SNX31: variants seen among roughly 807,000 people sequenced by gnomAD.
SNX31 encodes the protein sorting nexin 31, also known as sorting nexin-31.
SNX31 carries 58 observed loss-of-function variants against 65.4 expected under a neutral mutation model. The ratio of observed to expected loss-of-function variants is 0.89; its 90% confidence interval spans 0.72 to 1.10. The LOEUF is 1.10. Ranked by LOEUF, SNX31 falls within the 50% of genes least tolerant of loss-of-function variation. The probability of loss-of-function intolerance (pLI) is 0.00; values close to 1 mark genes in which losing one functional copy is unlikely to be tolerated. For synonymous variants in SNX31, 181 were observed against 190.1 expected, an observed-to-expected ratio of 0.95 and a Z score of 0.39; for missense variants, 523 against 529.7, an observed-to-expected ratio of 0.99 and a Z score of 0.12.
At chr8:100,657,774 G>A (rs1208829621) in intron 1 of SNX31, 5 of 455,980 alleles carry the variant, frequency 1.1e-5, no homozygotes, top group Non-Finnish European at 2.2e-5. Context: ...GGGAGGCTGA[G>A]GCAGGAGAAT....
In SNX31 at chr8:100,575,475, A is replaced by G. The variant is rs1812971901; in HGVS notation, c.1228-1515T>C. Among the ~76,000 whole-genome samples the G allele has an allele frequency of 6.6e-6, 1 of 152,206 alleles. No individual in the cohort carries two copies. On this transcript the variant is annotated intron_variant, in intron 13 of 13. Transcript: ENST00000311812. This position sits in a 1 kb window ranked among gnomAD's most constrained non-coding sequence, Gnocchi z 5.1. ...CCGACCTGCTGGTCCTACTCACAGC[A>G]TGAGATAGGTTGGCCTGTATTAGAG...
chr8:100,576,996 A>T lies in SNX31; in HGVS notation c.1227+23T>A. On this transcript the variant is annotated intron_variant, in intron 13 of 13. Coordinates refer to ENST00000311812, the MANE Select transcript of SNX31 (RefSeq NM_152628.4). The surrounding 1 kb of genome is among the most constrained non-coding windows in gnomAD (Gnocchi z 4.8). Reference sequence around the variant, plus strand: ...GATTTATCAAAATTATAATGTACCAATTACATAATTTTACTCACAGACCTG... The same window carrying T: ...GATTTATCAAAATTATAATGTACCATTTACATAATTTTACTCACAGACCTG... The T allele has an allele frequency of 6.3e-7, 1 of 1,589,032 alleles. No homozygotes were observed. Among genetic ancestry groups the T allele is most frequent in the South Asian group, 1.1e-5 (1 of 89,608 alleles).
intron 12 of SNX31, among the ~76,000 whole-genome samples, chr8:100,579,309 C>G (rs1813303368): frequency 6.6e-6 from 1 of 152,128 alleles, no homozygotes; most frequent in Non-Finnish European, 1.5e-5. Flanking sequence ...TGCAATAAGG[C>G]CTTCAATACT....
In SNX31 at chr8:100,630,890, C is replaced by T. The variant is rs561162158; in HGVS notation, c.257-499G>A. ...GCAATGTCCGTCTCCTGGGTTAAGACGATTCTCTTGCCTCAGCCTCTGAAG... is the reference window on the plus strand; with the variant it reads ...GCAATGTCCGTCTCCTGGGTTAAGATGATTCTCTTGCCTCAGCCTCTGAAG... On this transcript the variant is annotated intron_variant, in intron 3 of 13. Transcript: ENST00000311812. This position sits in a 1 kb window ranked among gnomAD's most constrained non-coding sequence, Gnocchi z 5.3. 1.2e-4 allele frequency among the ~76,000 whole-genome samples: 19 copies of T among 152,214 alleles called. No individual in the cohort carries two copies. The South Asian group carries it at 3.3e-3, about 27-fold the overall frequency.
chr8:100,620,025 C>T (rs1442691584), intron 4 of SNX31: 1 of 152,148 alleles, frequency 6.6e-6, no homozygotes, highest in Non-Finnish European at 1.5e-5. Flanking sequence ...ACCCATTGCA[C>T]ACATTCTGTA....
chr8:100,584,238 CTCTT>C (rs773636898), intron 11 of SNX31, 50 bp from the exon 12 acceptor site: 3 of 1,461,496 alleles, frequency 2.1e-6, no homozygotes, highest in East Asian at 2.5e-5. Context: ...AATCTTCACT[CTCTT>C]TCTTCCCTCC....
In SNX31 at chr8:100,578,682, ATTTTT is replaced by A. The variant is rs1268299095; in HGVS notation, c.1171-1612_1171-1608del. On this transcript the variant is annotated intron_variant, in intron 12 of 13. Coordinates refer to ENST00000311812, the MANE Select transcript of SNX31 (RefSeq NM_152628.4). The surrounding 1 kb of genome is among the most constrained non-coding windows in gnomAD (Gnocchi z 4.7). ...TCACATATTTAAGCCTATTTCAATG[ATTTTT>A]TATTTTATTTTATTTTATTTTATTT... 1.5e-4 allele frequency among the ~76,000 whole-genome samples: 21 copies of A among 138,066 alleles called. No individual in the cohort carries two copies. The highest frequency in any genetic ancestry group is 2.0e-4 in the East Asian group (1 of 4,990). The allele number at this position is 138,066 out of a possible 152,430, so 90.6% of individuals were successfully genotyped here.
chr8:100,611,109 C>T (rs1199180626), intron 7 of SNX31, among the ~76,000 whole-genome samples: 1 of 152,164 alleles, frequency 6.6e-6, no homozygotes, highest in African/African-American at 2.4e-5. Flanking sequence ...TGTGTCCTAC[C>T]TATCTAGGAA....
At position 100,594,481 on chromosome 8, in the gene SNX31, T is replaced by G. The variant is rs1307719618; in HGVS notation, c.978+2158A>C. ...CCAAACAATCCAATTCAAAAATGGG[T>G]AAAAGATATGAGAAGACATTTTACC... On this transcript the variant is annotated intron_variant, in intron 10 of 13. Coordinates refer to ENST00000311812, the MANE Select transcript of SNX31 (RefSeq NM_152628.4). The surrounding 1 kb of genome is among the most constrained non-coding windows in gnomAD (Gnocchi z 4.0). 6.6e-6 allele frequency among the ~76,000 whole-genome samples: 1 copy of G among 152,106 alleles called. No homozygotes were observed. The highest frequency in any genetic ancestry group is 2.4e-5 in the African/African-American group (1 of 41,412).
intron 12 of SNX31, among the ~76,000 whole-genome samples, chr8:100,582,988 AAAAG>A (rs1259824422): frequency 4.6e-5 from 7 of 151,102 alleles, no homozygotes; most frequent in African/African-American, 1.5e-4. Context: ...TCTAAAAAAA[AAAAG>A]AAAAGAAAAG....
At chr8:100,628,363 G>A (rs1336746183) in intron 4 of SNX31, among the ~76,000 whole-genome samples, 1 of 152,056 alleles carries the variant, frequency 6.6e-6, no homozygotes, top group Non-Finnish European at 1.5e-5. Flanking sequence ...ATGATAGACT[G>A]GATTAAGAAA....
At position 100,626,550 on chromosome 8, in the gene SNX31, C is replaced by T. The variant is rs1285319283; in HGVS notation, c.321+3777G>A. 1.3e-5 allele frequency among the ~76,000 whole-genome samples: 2 copies of T among 152,110 alleles called. No individual in the cohort carries two copies. Among genetic ancestry groups the T allele is most frequent in the African/African-American group, 2.4e-5 (1 of 41,396 alleles). On this transcript the variant is annotated intron_variant, in intron 4 of 13. Coordinates refer to ENST00000311812, the MANE Select transcript of SNX31 (RefSeq NM_152628.4). This position sits in a 1 kb window ranked among gnomAD's most constrained non-coding sequence, Gnocchi z 4.4. ...TAAGAAAGTGCTCAGAAACAAGAAA[C>T]AAGAACTGGAAATACAACAGATTCG... is the stretch of plus-strand genomic sequence containing the variant.
In SNX31 at chr8:100,573,817, C is replaced by T. The variant is rs1261736728; in HGVS notation, c.*48G>A. On this transcript the variant is annotated 3_prime_UTR_variant, in exon 14 of 14. Coordinates refer to ENST00000311812, the MANE Select transcript of SNX31 (RefSeq NM_152628.4). ...CCACCTGAATCCCCAAGTTCTTTCA[C>T]TGTCTTGAGATAGCCTCCAAGGATA... The T allele has an allele frequency of 6.8e-6, 9 of 1,322,118 alleles. No homozygotes were observed. The highest frequency in any genetic ancestry group is 9.4e-6 in the Non-Finnish European group (9 of 959,226). 81.9% of individuals were successfully genotyped at this position (1,322,118 alleles called of 1,614,324 possible).
At chr8:100,586,350 T>G (rs570200252) in intron 11 of SNX31, among the ~76,000 whole-genome samples, 1 of 152,254 alleles carries the variant, frequency 6.6e-6, no homozygotes, top group Non-Finnish European at 1.5e-5. Context: ...AACTATTATA[T>G]ATCCATAAAA....
At chr8:100,608,602 T>C in intron 7 of SNX31, 39 bp from the exon 8 acceptor site, 3 of 1,601,188 alleles carry the variant, frequency 1.9e-6, no homozygotes, top group Non-Finnish European at 2.6e-6. Flanking sequence ...TCCTGTGACA[T>C]GGCCCATGGG....
At position 100,615,729 on chromosome 8, in the gene SNX31, AT is replaced by A. The variant is rs556575874; in HGVS notation, c.432+1890del. Among the ~76,000 whole-genome samples the A allele has an allele frequency of 4.4e-3, 665 of 152,348 alleles. 5 individuals carry two copies. The highest frequency in any genetic ancestry group is 7.5e-3 in the Non-Finnish European group (508 of 68,026). On this transcript the variant is annotated intron_variant, in intron 5 of 13. Transcript: ENST00000311812. ...ACTAAATACTCTAGGCAACTGTAAC[AT>A]GCTGGTAAGTATTGGTGTATCTAAA...
intron 9 of SNX31, among the ~76,000 whole-genome samples, chr8:100,598,684 C>A (rs1037822152): frequency 2.7e-5 from 4 of 149,816 alleles, no homozygotes; most frequent in African/African-American, 1.0e-4. Flanking sequence ...CTAAAAAAGA[C>A]AATTTAACAT....
intron 4 of SNX31, chr8:100,618,329 G>A (rs1464144067): frequency 6.5e-7 from 1 of 1,534,228 alleles, no homozygotes; most frequent in Non-Finnish European, 8.7e-7. Context: ...TAATTAACTT[G>A]CCCAGTTTTC....
At chr8:100,628,751 T>A (rs1275641218) in intron 4 of SNX31, among the ~76,000 whole-genome samples, 1 of 151,272 alleles carries the variant, frequency 6.6e-6, no homozygotes, top group East Asian at 1.9e-4. Flanking sequence ...AATAATAAAA[T>A]TTTTTTAAAA....
Sources: gnomAD v4.1 joint callset for allele counts (sites outside exome capture counted in the v4.1 genomes callset) on GRCh38, gnomAD v4.1.1 for gene constraint, Gnocchi (gnomAD v3.1) non-coding constraint, MANE v1.5 for transcripts, NCBI Gene and HGNC (gene_info 2026-07-23, HGNC 2026-07-21) for gene names.